RASSF2: variants seen among roughly 807,000 people sequenced by gnomAD.
The protein encoded by RASSF2 is ras association domain-containing protein 2.
In RASSF2, 34 loss-of-function variants were observed where a neutral mutation model predicts 46.3. That is an observed-to-expected ratio of 0.73 (90% CI 0.56 to 0.98). The LOEUF (loss-of-function observed/expected upper bound fraction) is 0.98, where lower values mean the gene tolerates loss of function less well. Ranked by LOEUF, RASSF2 falls within the 50% of genes least tolerant of loss-of-function variation. The pLI is 0.00. For synonymous variants in RASSF2, 158 were observed against 162.5 expected (o/e 0.97, Z 0.21); for missense variants, 364 against 431.2 (o/e 0.84, Z 1.38).
In RASSF2 at chr20:4,802,304, C is replaced by T. The variant is rs1035870673; in HGVS notation, c.-32-1242G>A. On this transcript the variant is annotated intron_variant, in intron 2 of 11. Transcript: ENST00000379400. ...TGTTTAGCAGCATCTCTGGATTCTG[C>T]TCACTAGATGCCAGCAGCACTACCC... is the stretch of plus-strand genomic sequence containing the variant. Among the ~76,000 whole-genome samples the T allele has an allele frequency of 4.4e-4, 67 of 151,860 alleles. 1 individual carries two copies. Among genetic ancestry groups the T allele is most frequent in the African/African-American group, 1.5e-3 (62 of 41,150 alleles).
chr20:4,822,098 A>G (rs1439056679), intron 2 of RASSF2, among the ~76,000 whole-genome samples: 1 of 152,222 alleles, frequency 6.6e-6, no homozygotes, highest in Non-Finnish European at 1.5e-5. Flanking sequence ...TGGTAAGTAA[A>G]TGTGGATTTA....
At chr20:4,788,165 C>T in intron 9 of RASSF2, 52 bp downstream of exon 9, 1 of 1,445,556 alleles carries the variant, frequency 6.9e-7, no homozygotes, top group Non-Finnish European at 9.7e-7. Context: ...TTTTAACTTG[C>T]TATTTTGAGT....
Position 4,783,214 on chromosome 20 carries a change from C to T in RASSF2, c.*1059G>A, listed in dbSNP as rs1924992595. On this transcript the variant is annotated 3_prime_UTR_variant, in exon 12 of 12. Transcript: ENST00000379400. ...TGGAAAGAATGGTCTTGACTGCAAA[C>T]ATCGCCCCAGCTTCAAGTGCAGGAA... 1 of 152,270 alleles carries T rather than the reference C, an allele frequency of 6.6e-6. No homozygotes were observed. Among genetic ancestry groups the T allele is most frequent in the African/African-American group, 2.4e-5 (1 of 41,468 alleles). 9.4% of individuals were successfully genotyped at this position (152,270 alleles called of 1,614,324 possible).
At chr20:4,809,826 C>T (rs1927628930) in intron 2 of RASSF2, among the ~76,000 whole-genome samples, 1 of 152,124 alleles carries the variant, frequency 6.6e-6, no homozygotes, top group Admixed American at 6.5e-5. Context: ...CACAGCTGAT[C>T]CCCTGGGGAG....
intron 2 of RASSF2, among the ~76,000 whole-genome samples, chr20:4,815,995 T>C (rs966498845): frequency 6.6e-6 from 1 of 152,208 alleles, no homozygotes; most frequent in Admixed American, 6.5e-5. Flanking sequence ...AAAATAAACA[T>C]TTTTTGTTTT....
At chr20:4,815,691 A>G (rs1397606476) in intron 2 of RASSF2, among the ~76,000 whole-genome samples, 1 of 152,224 alleles carries the variant, frequency 6.6e-6, no homozygotes, top group African/African-American at 2.4e-5. Context: ...GTGAGCCCAC[A>G]TTTCCAAACT....
intron 2 of RASSF2, among the ~76,000 whole-genome samples, chr20:4,820,624 A>G (rs557040020): frequency 3.7e-4 from 56 of 152,344 alleles, no homozygotes; most frequent in Non-Finnish European, 7.1e-4. Flanking sequence ...GATGTTGTGA[A>G]GAGTATTAGG....
rs1925697314 is a variant in RASSF2, at chr20:4,789,702, C to G, written c.538-5G>C. 2 of 1,613,170 alleles carry G rather than the reference C, an allele frequency of 1.2e-6. No homozygotes were observed. Among genetic ancestry groups the G allele is most frequent in the African/African-American group, 2.7e-5 (2 of 74,842 alleles). The stretch of plus-strand genomic sequence containing the variant: ...GGCTGGTGTGAACACGGATGTCTGT[C>G]AATAGAAGGGCCCAGCTCAGGGTGG... On this transcript the variant is annotated splice_polypyrimidine_tract_variant and splice_region_variant and intron_variant, in intron 7 of 11. Transcript: ENST00000379400.
intron 2 of RASSF2, among the ~76,000 whole-genome samples, chr20:4,806,201 G>A (rs1293888710): frequency 6.6e-6 from 1 of 152,212 alleles, no homozygotes; most frequent in Non-Finnish European, 1.5e-5. Context: ...AGGAGGCCAA[G>A]GCCAGCAGAG....
At chr20:4,793,989 T>C (rs1926122242) in intron 5 of RASSF2, among the ~76,000 whole-genome samples, 1 of 152,170 alleles carries the variant, frequency 6.6e-6, no homozygotes, top group African/African-American at 2.4e-5. Context: ...AAACGAAATC[T>C]TAAAAATCAT....
chr20:4,798,526 C>T (rs185615328), intron 3 of RASSF2, among the ~76,000 whole-genome samples: 7 of 152,244 alleles, frequency 4.6e-5, no homozygotes, highest in Non-Finnish European at 1.0e-4. Context: ...GATAGGCCTT[C>T]ACAAGACTCA....
chr20:4,814,546 G>A (rs1568581904), intron 2 of RASSF2, among the ~76,000 whole-genome samples: 2 of 152,082 alleles, frequency 1.3e-5, no homozygotes, highest in Non-Finnish European at 2.9e-5. Context: ...AGCTAGGATC[G>A]CTGGCCTCCT....
At chr20:4,798,841 CA>C in intron 3 of RASSF2, among the ~76,000 whole-genome samples, 1 of 97,290 alleles carries the variant, frequency 1.0e-5, no homozygotes, top group East Asian at 3.1e-4. Flanking sequence ...AACAAACAAA[CA>C]AACAAAAAAA....
At position 4,798,045 on chromosome 20, in the gene RASSF2, A is replaced by G; in HGVS notation, c.100T>C (p.Tyr34His). The G allele has an allele frequency of 6.2e-7, 1 of 1,613,998 alleles. No homozygotes were observed. The highest frequency in any genetic ancestry group is 1.1e-5 in the South Asian group (1 of 91,082). ...CGGAGCTGTAAATTCTGGCCTTCAT[A>G]GTACAAGTTGTAGGTCTTCAGATGC... is the stretch of plus-strand genomic sequence containing the variant. The part of the protein sequence containing the change: ...LLHLKTYNLY[Y>H]EGQNLQLRHR... The change falls in exon 4 of 12, where the codon TAT (tyrosine) becomes CAT (histidine). Residue 34 changes from tyrosine to histidine, a missense_variant. Transcript: ENST00000379400.
At chr20:4,800,911 C>G in intron 3 of RASSF2, 61 bp downstream of exon 3, 3 of 1,447,522 alleles carry the variant, frequency 2.1e-6, no homozygotes, top group Non-Finnish European at 1.9e-6. Context: ...TGCCGTCCAC[C>G]CACAACATCC....
At chr20:4,798,548 C>T (rs73588958) in intron 3 of RASSF2, among the ~76,000 whole-genome samples, 15 of 152,032 alleles carry the variant, frequency 9.9e-5, no homozygotes, top group African/African-American at 1.7e-4. Flanking sequence ...AAGCTGGCTG[C>T]GCGCAGTGGC....
intron 2 of RASSF2, among the ~76,000 whole-genome samples, chr20:4,821,934 C>T (rs1928718339): frequency 6.6e-6 from 1 of 152,236 alleles, no homozygotes; most frequent in Non-Finnish European, 1.5e-5. Context: ...CAAATGGCCA[C>T]CACCCAGGTA....
At chr20:4,792,508 C>T in intron 6 of RASSF2, 31 bp downstream of exon 6, 2 of 1,613,672 alleles carry the variant, frequency 1.2e-6, no homozygotes, top group East Asian at 2.2e-5. Context: ...CAGTTGGTCC[C>T]TAGCTGGAAG....
At chr20:4,810,223 AGC>A (rs1927669604) in intron 2 of RASSF2, among the ~76,000 whole-genome samples, 3 of 152,170 alleles carry the variant, frequency 2.0e-5, no homozygotes, top group Non-Finnish European at 2.9e-5. Context: ...GAAGCCCTGC[AGC>A]AGTTGCATGA....
Sources: allele counts gnomAD v4.1 joint callset (sites outside exome capture counted in the v4.1 genomes callset), GRCh38; gene constraint gnomAD v4.1.1; transcripts MANE v1.5; gene names NCBI Gene and HGNC (gene_info 2026-07-23, HGNC 2026-07-21).